Variants in RBM27 observed in about 807,000 individuals in gnomAD.
RBM27 encodes RNA-binding protein 27.
RBM27 carries 22 observed loss-of-function variants against 135.3 expected under a neutral mutation model. That is an observed-to-expected ratio of 0.16 (90% CI 0.12 to 0.23). RBM27 has a LOEUF of 0.23. RBM27 is among the 10% of genes least tolerant of loss of function. The pLI is 1.00. For missense variants in RBM27, 1,009 were observed against 1,281.0 expected, an observed-to-expected ratio of 0.79 and a Z score of 3.24; for synonymous variants, 481 against 442.4, an observed-to-expected ratio of 1.09 and a Z score of -1.10.
intron 1 of RBM27, among the ~76,000 whole-genome samples, chr5:146,214,344 A>G (rs1051143661): frequency 6.6e-6 from 1 of 152,214 alleles, no homozygotes; most frequent in Non-Finnish European, 1.5e-5. Context: ...GTCAAGCAGT[A>G]ATGGATTCCC....
At chr5:146,230,003 A>G (rs1756863560) in intron 5 of RBM27, 93 bp downstream of exon 5, 6 of 1,435,874 alleles carry the variant, frequency 4.2e-6, no homozygotes, top group Non-Finnish European at 5.7e-6. Context: ...TGTACCTTTA[A>G]TATGTCTGAG....
At chr5:146,247,655 A>G (rs1757687885) in intron 8 of RBM27, among the ~76,000 whole-genome samples, 1 of 152,124 alleles carries the variant, frequency 6.6e-6, no homozygotes, top group Admixed American at 6.5e-5. Context: ...TATCCCCTGT[A>G]TTACCTGTAA....
intron 14 of RBM27, among the ~76,000 whole-genome samples, chr5:146,266,514 A>G (rs1403954222): frequency 1.3e-5 from 2 of 152,186 alleles, no homozygotes; most frequent in African/African-American, 4.8e-5. Context: ...TTTAATTTTG[A>G]TGATAATTAA....
chr5:146,222,404 C>G (rs565775662), intron 2 of RBM27, among the ~76,000 whole-genome samples: 1 of 152,344 alleles, frequency 6.6e-6, no homozygotes, highest in South Asian at 2.1e-4. Flanking sequence ...AAGACATAGG[C>G]TGGATGTGGT....
intron 8 of RBM27, among the ~76,000 whole-genome samples, chr5:146,249,732 A>G: frequency 6.6e-6 from 1 of 151,994 alleles, no homozygotes; most frequent in East Asian, 1.9e-4. Context: ...AAAAAAGAAA[A>G]TATGTTATAT....
At chr5:146,248,120 T>G (rs1757709665) in intron 8 of RBM27, among the ~76,000 whole-genome samples, 1 of 152,100 alleles carries the variant, frequency 6.6e-6, no homozygotes, top group African/African-American at 2.4e-5. Flanking sequence ...TAAGTATCAT[T>G]ATGAACTCAT....
chr5:146,267,108 A>G (rs998433828), intron 14 of RBM27, among the ~76,000 whole-genome samples: 3 of 152,232 alleles, frequency 2.0e-5, no homozygotes, highest in African/African-American at 7.2e-5. Context: ...TTATTCAGTG[A>G]GAGGTATACA....
intron 12 of RBM27, among the ~76,000 whole-genome samples, chr5:146,261,148 A>C (rs1430205404): frequency 1.3e-5 from 2 of 152,220 alleles, no homozygotes; most frequent in African/African-American, 2.4e-5. Context: ...ACAGTTTTGG[A>C]GACTGAGAAG....
chr5:146,204,218 C>T (rs1001538378), intron 1 of RBM27, among the ~76,000 whole-genome samples: 13 of 152,028 alleles, frequency 8.6e-5, no homozygotes, highest in African/African-American at 2.7e-4. Context: ...AGCAGAATAT[C>T]AAGGGTTTGA....
At chr5:146,228,627 G>A (rs1379466047) in intron 3 of RBM27, among the ~76,000 whole-genome samples, 1 of 151,834 alleles carries the variant, frequency 6.6e-6, no homozygotes, top group Non-Finnish European at 1.5e-5. Flanking sequence ...TTTGAGAAAG[G>A]TCTCACTCTG....
At chr5:146,234,660 T>TG (rs1757083846) in intron 7 of RBM27, among the ~76,000 whole-genome samples, 1 of 152,142 alleles carries the variant, frequency 6.6e-6, no homozygotes, top group Non-Finnish European at 1.5e-5. Context: ...AAAAAGTAAT[T>TG]GAAAAAATTA....
chr5:146,226,871 G>A (rs555465929), intron 3 of RBM27, among the ~76,000 whole-genome samples: 6 of 152,120 alleles, frequency 3.9e-5, no homozygotes, highest in South Asian at 2.1e-4. Flanking sequence ...ATAACTTATC[G>A]TAATTACTGA....
At chr5:146,203,983 G>T (rs1032432126) in intron 1 of RBM27, among the ~76,000 whole-genome samples, 159 bp downstream of exon 1, 17 of 152,044 alleles carry the variant, frequency 1.1e-4, no homozygotes, top group Admixed American at 2.0e-4. Context: ...TGTGGTGGGG[G>T]TGAGGGTGGG....
At chr5:146,226,656 C>T (rs1308949831) in intron 3 of RBM27, among the ~76,000 whole-genome samples, 2 of 152,090 alleles carry the variant, frequency 1.3e-5, no homozygotes, top group Middle Eastern at 3.4e-3. Context: ...GCTGGGATTA[C>T]AGGTGTGAGC....
chr5:146,212,116 C>CATG (rs1755985676), intron 1 of RBM27, among the ~76,000 whole-genome samples: 2 of 151,744 alleles, frequency 1.3e-5, no homozygotes, highest in African/African-American at 4.8e-5. Context: ...AGTGCAGTGG[C>CATG]GCAATCTCGA....
intron 8 of RBM27, among the ~76,000 whole-genome samples, chr5:146,244,879 T>C (rs1444484941): frequency 6.6e-6 from 1 of 152,074 alleles, no homozygotes; most frequent in Non-Finnish European, 1.5e-5. Flanking sequence ...TTTATTTATT[T>C]ACCTTTTTTT....
chr5:146,207,398 TAG>T (rs961424112), intron 1 of RBM27, among the ~76,000 whole-genome samples: 3 of 150,844 alleles, frequency 2.0e-5, no homozygotes, highest in African/African-American at 7.3e-5. Flanking sequence ...TATTTTTTAG[TAG>T]AGAGGGGGTT....
At chr5:146,236,621 T>C (rs754459895) in intron 7 of RBM27, among the ~76,000 whole-genome samples, 9 of 152,124 alleles carry the variant, frequency 5.9e-5, no homozygotes, top group Non-Finnish European at 1.2e-4. Flanking sequence ...AGTACTAGTA[T>C]GGTATTTTTT....
Position 146,230,773 on chromosome 5 carries a change from A to T in RBM27, c.706A>T (p.Ile236Phe). The T allele has an allele frequency of 6.2e-7, 1 of 1,614,080 alleles. No homozygotes were observed. Among genetic ancestry groups the T allele is most frequent in the Non-Finnish European group, 8.5e-7 (1 of 1,179,944 alleles). ...GCAGTATTCCTCTGGGGCACAGTCT[A>T]TTCCCAGCACTGTTACTGTGATCGC... ...SEQYSSGAQS[I>F]PSTVTVIAPA... Residue 236 changes from isoleucine to phenylalanine, a missense_variant, in exon 6 of 21, where the codon ATT becomes TTT. Ile to Phe is a conservative substitution (Grantham distance 21). This residue lies in a region of RBM27 where 268 missense variants were observed against 326.6 expected (regional missense o/e 0.82). Transcript: ENST00000265271.
Sources: gnomAD v4.1 joint callset for allele counts (sites outside exome capture counted in the v4.1 genomes callset) on GRCh38, gnomAD v4.1.1 for gene constraint, gnomAD v4.1.1 regional missense constraint, MANE v1.5 for transcripts, NCBI Gene and HGNC (gene_info 2026-07-23, HGNC 2026-07-21) for gene names.